Variants in FAM168B observed in about 807,000 individuals in gnomAD.
The protein encoded by FAM168B is myelin-associated neurite-outgrowth inhibitor.
A neutral mutation model predicts 21.8 loss-of-function variants in FAM168B; 19 were observed. That is an observed-to-expected ratio of 0.87 (90% confidence interval 0.61 to 1.28). FAM168B has a LOEUF of 1.28. Among genes scored for constraint, FAM168B ranks in the 50% most tolerant of loss-of-function variants. FAM168B has a pLI of 0.00. For synonymous variants in FAM168B, 126 were observed against 104.8 expected (o/e 1.20, Z -1.24); for missense variants, 233 against 263.1 (o/e 0.89, Z 0.79).
At chr2:131,073,192 AAG>A in intron 2 of FAM168B, among the ~76,000 whole-genome samples, 1 of 151,942 alleles carries the variant, frequency 6.6e-6, no homozygotes, top group African/African-American at 2.4e-5. Flanking sequence ...TCCTGGGTTC[AAG>A]CATTTCTCCT....
intron 3 of FAM168B, among the ~76,000 whole-genome samples, chr2:131,057,139 T>C (rs987997922): frequency 1.3e-5 from 2 of 152,108 alleles, no homozygotes; most frequent in Admixed American, 1.3e-4. Context: ...CAGTGCAACT[T>C]TGCAAGCCAG....
intron 6 of FAM168B, 122 bp from the exon 7 acceptor site, chr2:131,052,574 C>A: frequency 1.2e-6 from 1 of 823,516 alleles, no homozygotes; most frequent in Non-Finnish European, 1.5e-6. Flanking sequence ...AACTGCTGGA[C>A]CTGGTTCTCA....
At chr2:131,052,811 TAAATATGTGGTA>T in intron 6 of FAM168B, 68 bp downstream of exon 6, 1 of 1,513,952 alleles carries the variant, frequency 6.6e-7, no homozygotes. Context: ...CGTTAGTGCT[TAAATATGTGGTA>T]AATTTGCCAC....
At chr2:131,084,197 C>T (rs185444255) in intron 1 of FAM168B, among the ~76,000 whole-genome samples, 1 of 141,378 alleles carries the variant, frequency 7.1e-6, no homozygotes, top group African/African-American at 2.7e-5. Flanking sequence ...CCGCCCCCCC[C>T]ACCCCACCCC....
chr2:131,078,308 A>G (rs1573803540), intron 2 of FAM168B, among the ~76,000 whole-genome samples: 1 of 152,228 alleles, frequency 6.6e-6, no homozygotes, highest in East Asian at 1.9e-4. Flanking sequence ...ACTTGATTCA[A>G]TACATGAATT....
Position 131,048,205 on chromosome 2 carries a change from T to C in FAM168B, c.*4260A>G, listed in dbSNP as rs1410304542. 5.5e-6 allele frequency: 7 copies of C among 1,264,652 alleles called. No individual in the cohort carries two copies. Among genetic ancestry groups the C allele is most frequent in the South Asian group, 1.3e-5 (1 of 76,462 alleles). 78.3% of individuals were successfully genotyped at this position (1,264,652 alleles called of 1,614,324 possible). A position where few individuals can be genotyped will look rare whatever the true frequency, so the allele number is the denominator to read the frequency against. On this transcript the variant is annotated 3_prime_UTR_variant, in exon 7 of 7. Coordinates refer to ENST00000389915, the MANE Select transcript of FAM168B (RefSeq NM_001009993.4). Reference sequence around the variant, plus strand: ...AAAAACAAAAAGGAACCGTTTCTTCTTTAGTTACAATCCATGAGGCTCTCT... The same window carrying C: ...AAAAACAAAAAGGAACCGTTTCTTCCTTAGTTACAATCCATGAGGCTCTCT...
chr2:131,079,201 G>GGCA (rs1693312967), intron 2 of FAM168B, among the ~76,000 whole-genome samples: 1 of 152,136 alleles, frequency 6.6e-6, no homozygotes, highest in South Asian at 2.1e-4. Flanking sequence ...CACAGGGCCG[G>GGCA]GCACGGTGGC....
intron 1 of FAM168B, among the ~76,000 whole-genome samples, chr2:131,085,603 A>T (rs1401239466): frequency 6.6e-6 from 1 of 152,218 alleles, no homozygotes; most frequent in Admixed American, 6.5e-5. Context: ...TCCTGTAGTA[A>T]GAAGAAAATA....
At chr2:131,092,041 G>A (rs1012649077) in intron 1 of FAM168B, among the ~76,000 whole-genome samples, 2 of 151,728 alleles carry the variant, frequency 1.3e-5, no homozygotes, top group Non-Finnish European at 2.9e-5. Context: ...CTACTTGGGA[G>A]GCTGAGGCAA....
At chr2:131,085,138 T>C (rs537726930) in intron 1 of FAM168B, among the ~76,000 whole-genome samples, 1 of 152,270 alleles carries the variant, frequency 6.6e-6, no homozygotes, top group South Asian at 2.1e-4. Context: ...TCAATTTTGC[T>C]GTGAACCTAA....
At chr2:131,091,102 C>G (rs1431968049) in intron 1 of FAM168B, among the ~76,000 whole-genome samples, 3 of 152,096 alleles carry the variant, frequency 2.0e-5, no homozygotes, top group Admixed American at 6.5e-5. Context: ...GGGAGGCCAA[C>G]GCGGGTGGAT....
intron 1 of FAM168B, among the ~76,000 whole-genome samples, chr2:131,090,151 C>CAAAAAA (rs59428455): frequency 4.2e-5 from 5 of 119,148 alleles, no homozygotes; most frequent in African/African-American, 9.9e-5. Context: ...ACCAAAAATA[C>CAAAAAA]AAAAAAAAAA....
At chr2:131,093,081 C>T (rs1448255971) in intron 1 of FAM168B, 133 bp downstream of exon 1, 5 of 151,224 alleles carry the variant, frequency 3.3e-5, no homozygotes, top group African/African-American at 4.8e-5. Flanking sequence ...CGGCACAAAG[C>T]GCAGCCCAGG....
At chr2:131,076,343 C>T (rs1157698278) in intron 2 of FAM168B, among the ~76,000 whole-genome samples, 2 of 152,180 alleles carry the variant, frequency 1.3e-5, no homozygotes, top group African/African-American at 4.8e-5. Flanking sequence ...CCAGAGCGAT[C>T]CCAAACCTGA....
At chr2:131,066,748 G>A (rs1054195494) in intron 3 of FAM168B, among the ~76,000 whole-genome samples, 1 of 152,188 alleles carries the variant, frequency 6.6e-6, no homozygotes, top group Non-Finnish European at 1.5e-5. Flanking sequence ...CAAGGGTGAA[G>A]TTAAACAACT....
chr2:131,048,443 G>A lies in FAM168B; in HGVS notation c.*4022C>T. On this transcript the variant is annotated 3_prime_UTR_variant, in exon 7 of 7. Coordinates refer to ENST00000389915, the MANE Select transcript of FAM168B (RefSeq NM_001009993.4). Reference sequence around the variant, plus strand: ...CCTACACAGACGCCGCTCATCCTCTGTCTCCCCTTCCCAAGTGACTTCACT... The same window carrying A: ...CCTACACAGACGCCGCTCATCCTCTATCTCCCCTTCCCAAGTGACTTCACT... 2 of 1,202,408 alleles carry A rather than the reference G, an allele frequency of 1.7e-6. No individual in the cohort carries two copies. Among genetic ancestry groups the A allele is most frequent in the Non-Finnish European group, 2.1e-6 (2 of 933,564 alleles). 74.5% of individuals were successfully genotyped at this position (1,202,408 alleles called of 1,614,324 possible).
At chr2:131,067,929 A>C (rs1692657725) in intron 3 of FAM168B, among the ~76,000 whole-genome samples, 1 of 152,166 alleles carries the variant, frequency 6.6e-6, no homozygotes, top group East Asian at 1.9e-4. Flanking sequence ...TATGCCTGTA[A>C]TCCCAACGCT....
intron 3 of FAM168B, among the ~76,000 whole-genome samples, chr2:131,056,909 G>C (rs1005836940): frequency 2.0e-5 from 3 of 152,100 alleles, no homozygotes; most frequent in Non-Finnish European, 4.4e-5. Context: ...TGGTGCCAGG[G>C]GCCAGAGGGG....
chr2:131,060,857 AT>A (rs991944492), intron 3 of FAM168B, among the ~76,000 whole-genome samples: 73 of 147,604 alleles, frequency 4.9e-4, no homozygotes, highest in Middle Eastern at 3.6e-3. Context: ...TGTATACGTA[AT>A]TTTTTTTTTT....
Sources: allele counts gnomAD v4.1 joint callset (sites outside exome capture counted in the v4.1 genomes callset), GRCh38; gene constraint gnomAD v4.1.1; transcripts MANE v1.5; gene names NCBI Gene and HGNC (gene_info 2026-07-23, HGNC 2026-07-21).